GSN: variants seen among roughly 807,000 people sequenced by gnomAD.
GSN encodes the protein actin-depolymerizing factor.
A neutral mutation model predicts 85.7 loss-of-function variants in GSN; 56 were observed. The observed-to-expected ratio is 0.65, with a 90% CI of 0.53 to 0.82. The LOEUF (loss-of-function observed/expected upper bound fraction) is 0.82. GSN is among the 40% of genes least tolerant of loss of function. The pLI is 0.00. For synonymous variants in GSN, 373 were observed against 399.1 expected, an observed-to-expected ratio of 0.93 and a Z score of 0.78; for missense variants, 857 against 979.8, an observed-to-expected ratio of 0.87 and a Z score of 1.67.
In GSN at chr9:121,326,548, A is replaced by T; in HGVS notation, c.1453A>T (p.Met485Leu). ...VVQGKEPAHL[M>L]SLFGGKPMII... ...CCAAGGCAAGGAGCCCGCCCACCTCATGAGCCTGTTTGGTGGGAAGCCCAT... is the reference window on the plus strand; with the variant it reads ...CCAAGGCAAGGAGCCCGCCCACCTCTTGAGCCTGTTTGGTGGGAAGCCCAT... Residue 485 changes from methionine to leucine, a missense_variant, in exon 13 of 18, where the codon ATG (methionine) becomes TTG (leucine). By Grantham distance (15) the Met-to-Leu change is conservative. Coordinates refer to ENST00000432226, the MANE Select transcript of GSN (RefSeq NM_198252.3). 6.2e-7 allele frequency: 1 copy of T among 1,614,042 alleles called. No individual in the cohort carries two copies. The highest frequency in any genetic ancestry group is 8.5e-7 in the Non-Finnish European group (1 of 1,180,006).
upstream of GSN, among the ~76,000 whole-genome samples, chr9:121,267,890 G>A (rs575908645): frequency 1.6e-3 from 237 of 152,172 alleles, 1 homozygote; most frequent in African/African-American, 5.2e-3. Flanking sequence ...TCTCCTCCCC[G>A]ACCCTAGGCC....
In GSN at chr9:121,329,507, G is replaced by C. The variant is rs72760300; in HGVS notation, c.1965+192G>C. On this transcript the variant is annotated intron_variant, in intron 16 of 17. Transcript: ENST00000432226. The surrounding 1 kb of genome is among the most constrained non-coding windows in gnomAD (Gnocchi z 4.6). ...TCCTCATCTGTAAACTGGGAGTGGCGGTACCTCCCTTGCAGATACACTCAC... is the reference window on the plus strand; with the variant it reads ...TCCTCATCTGTAAACTGGGAGTGGCCGTACCTCCCTTGCAGATACACTCAC... Among the ~76,000 whole-genome samples, 930 of 152,158 alleles carry C rather than the reference G, an allele frequency of 6.1e-3. 13 individuals carry two copies. Among genetic ancestry groups the C allele is most frequent in the African/African-American group, 0.021 (862 of 41,512 alleles).
At chr9:121,253,386 G>T (rs1046937777) in intron 6 of GSN, among the ~76,000 whole-genome samples, 1 of 152,202 alleles carries the variant, frequency 6.6e-6, no homozygotes, top group Admixed American at 6.5e-5. Context: ...GTTTGAGCTT[G>T]TTCAGTTCAG....
At position 121,329,458 on chromosome 9, in the gene GSN, ACTT is replaced by A. The variant is rs916010463; in HGVS notation, c.1965+150_1965+152del. The A allele has an allele frequency of 1.7e-4, 121 of 692,852 alleles. 2 individuals carry two copies. Among genetic ancestry groups the A allele is most frequent in the Admixed American group, 3.7e-4 (18 of 49,264 alleles). The allele number at this position is 692,852 out of a possible 1,614,324, so 42.9% of individuals were successfully genotyped here. On this transcript the variant is annotated intron_variant, in intron 16 of 17. Coordinates refer to ENST00000432226, the MANE Select transcript of GSN (RefSeq NM_198252.3). The surrounding 1 kb of genome is among the most constrained non-coding windows in gnomAD (Gnocchi z 4.6). Reference sequence around the variant, plus strand: ...AAAGTCTCTAAGGGTACTGGAAGTCACTTCTTCTTTCTGAGCTTCCATTTCCTC... The same window carrying A: ...AAAGTCTCTAAGGGTACTGGAAGTCACTTCTTTCTGAGCTTCCATTTCCTC...
At chr9:121,322,291 T>C (rs1173139319) in intron 11 of GSN, among the ~76,000 whole-genome samples, 1 of 152,188 alleles carries the variant, frequency 6.6e-6, no homozygotes, top group Admixed American at 6.5e-5. Context: ...GTAGCATACT[T>C]TGTATATTGC....
At chr9:121,266,333 C>T (rs2055201826), upstream of GSN, among the ~76,000 whole-genome samples, 1 of 152,208 alleles carries the variant, frequency 6.6e-6, no homozygotes, top group African/African-American at 2.4e-5. Flanking sequence ...GTTGCTGGGG[C>T]TGGAAATGAT....
intron 5 of GSN, among the ~76,000 whole-genome samples, chr9:121,233,812 A>G (rs534871301): frequency 6.6e-6 from 1 of 152,218 alleles, no homozygotes; most frequent in South Asian, 2.1e-4. Flanking sequence ...GAAGTCTAAC[A>G]TTTGGAGAGC....
intron 5 of GSN, among the ~76,000 whole-genome samples, chr9:121,246,516 T>C (rs1346427514): frequency 2.0e-5 from 3 of 152,192 alleles, no homozygotes; most frequent in Admixed American, 6.5e-5. Context: ...ACTTTTTTGG[T>C]TGCAACTAAT....
intron 4 of GSN, among the ~76,000 whole-genome samples, chr9:121,225,493 T>G (rs1331260042): frequency 6.6e-6 from 1 of 152,224 alleles, no homozygotes; most frequent in Non-Finnish European, 1.5e-5. Context: ...ATTATGATCT[T>G]TGTGATTTCC....
At chr9:121,229,220 T>TTTA (rs2054338509) in intron 4 of GSN, among the ~76,000 whole-genome samples, 2 of 152,032 alleles carry the variant, frequency 1.3e-5, no homozygotes, top group South Asian at 4.1e-4. Flanking sequence ...AATTAAAAAT[T>TTTA]TTATTATTAT....
chr9:121,331,285 A>C, intron 16 of GSN, 103 bp from the exon 17 acceptor site: 3 of 738,956 alleles, frequency 4.1e-6, no homozygotes. Flanking sequence ...TAGAAAGGGG[A>C]GGGCTTTGTC....
chr9:121,245,683 A>G (rs150111590), intron 5 of GSN, among the ~76,000 whole-genome samples: 42 of 152,316 alleles, frequency 2.8e-4, no homozygotes, highest in African/African-American at 9.4e-4. Context: ...AGAAAACAAT[A>G]TACATCTCCT....
intron 4 of GSN, chr9:121,310,267 A>C: frequency 3.4e-6 from 1 of 298,062 alleles, no homozygotes; most frequent in South Asian, 3.2e-5. Flanking sequence ...TTGACCGTGG[A>C]ACTCTTTCCT....
intron 6 of GSN, among the ~76,000 whole-genome samples, chr9:121,254,430 C>A (rs1004219511): frequency 6.6e-6 from 1 of 152,210 alleles, no homozygotes; most frequent in Admixed American, 6.5e-5. Context: ...TCCCTTTTCT[C>A]TCTCCCAAGT....
intron 5 of GSN, among the ~76,000 whole-genome samples, chr9:121,233,143 C>G (rs910079064): frequency 1.1e-4 from 17 of 152,132 alleles, no homozygotes; most frequent in Non-Finnish European, 2.1e-4. Flanking sequence ...TCCTCTTCCT[C>G]CCTCTTGGAG....
chr9:121,274,652 A>G (rs2132446555), intron 1 of GSN, among the ~76,000 whole-genome samples: 1 of 152,306 alleles, frequency 6.6e-6, no homozygotes, highest in African/African-American at 2.4e-5. Flanking sequence ...AGCATGGGCG[A>G]GTGGGAATTG....
At chr9:121,294,611 C>T (rs1366491627) in intron 2 of GSN, among the ~76,000 whole-genome samples, 2 of 152,186 alleles carry the variant, frequency 1.3e-5, no homozygotes, top group African/African-American at 2.4e-5. Flanking sequence ...TGGCTTCAGC[C>T]AAGCCCCGCT....
chr9:121,331,488 T>TCAAGGCTTC, intron 17 of GSN, 40 bp downstream of exon 17: 1 of 1,215,176 alleles, frequency 8.2e-7, no homozygotes, highest in Non-Finnish European at 1.2e-6. Flanking sequence ...GAGGGGTCCG[T>TCAAGGCTTC]TGCTTGTGGG....
At chr9:121,279,139 C>T (rs182060712) in intron 1 of GSN, among the ~76,000 whole-genome samples, 19 of 152,222 alleles carry the variant, frequency 1.2e-4, no homozygotes, top group African/African-American at 4.6e-4. Context: ...GAGGTCTGTA[C>T]GGAGACTACA....
Sources: allele counts gnomAD v4.1 joint callset (sites outside exome capture counted in the v4.1 genomes callset), GRCh38; gene constraint gnomAD v4.1.1; non-coding constraint Gnocchi (gnomAD v3.1); transcripts MANE v1.5; gene names NCBI Gene and HGNC (gene_info 2026-07-23, HGNC 2026-07-21).